Variants in MED12L observed in about 807,000 individuals in gnomAD.
MED12L encodes mediator complex subunit 12L.
MED12L carries 60 observed loss-of-function variants against 281.3 expected under a neutral mutation model. That is an observed-to-expected ratio of 0.21 (90% CI 0.17 to 0.26). MED12L has a LOEUF of 0.26. MED12L is among the 10% of genes least tolerant of loss of function. MED12L has a pLI of 1.00. For missense variants in MED12L, 2,146 were observed against 2,680.9 expected (o/e 0.80, Z 4.41); for synonymous variants, 974 against 987.2 (o/e 0.99, Z 0.25).
rs1163947668 is a variant in MED12L at position 151,191,919 on chromosome 3, A to AC, written c.1969-631_1969-630insC. ...AAAACTGTCTCAAAAAAACAAACAA[A>AC]AAAAAAAAAAACACCTCACAGTTTA... is the stretch of plus-strand genomic sequence containing the variant. On this transcript the variant is annotated intron_variant, in intron 14 of 44. Transcript: ENST00000687756. Among the ~76,000 whole-genome samples the AC allele has an allele frequency of 8.0e-3, 1,201 of 150,200 alleles. 17 individuals are homozygous for AC. Among genetic ancestry groups the AC allele is most frequent in the African/African-American group, 0.027 (1,102 of 41,004 alleles).
At chr3:151,123,395 C>CA (rs1178445872) in intron 4 of MED12L, among the ~76,000 whole-genome samples, 1 of 152,142 alleles carries the variant, frequency 6.6e-6, no homozygotes, top group African/African-American at 2.4e-5. Flanking sequence ...TCCTACCAAG[C>CA]AAGATAAAGA....
At chr3:151,290,177 C>T (rs142762143) in intron 16 of MED12L, among the ~76,000 whole-genome samples, 27 of 152,278 alleles carry the variant, frequency 1.8e-4, no homozygotes, top group Admixed American at 9.8e-4. Context: ...TGAGCCACCA[C>T]TTCCGACCGT....
At chr3:151,347,130 A>C (rs1306465069) in intron 16 of MED12L, among the ~76,000 whole-genome samples, 1 of 148,802 alleles carries the variant, frequency 6.7e-6, no homozygotes, top group Non-Finnish European at 1.5e-5. Flanking sequence ...TCCCACCACT[A>C]AAACTTAGTT....
chr3:151,326,542 G>A (rs1463988013), intron 16 of MED12L: 1 of 152,358 alleles, frequency 6.6e-6, no homozygotes, highest in African/African-American at 2.4e-5. Context: ...ACAACATAGG[G>A]TTTCACAGAT....
intron 5 of MED12L, among the ~76,000 whole-genome samples, chr3:151,153,086 C>G (rs1024792525): frequency 6.6e-6 from 1 of 152,210 alleles, no homozygotes; most frequent in Non-Finnish European, 1.5e-5. Flanking sequence ...AATTTTTGTA[C>G]TACTAAAACA....
intron 16 of MED12L, among the ~76,000 whole-genome samples, chr3:151,314,723 C>T (rs1383001415): frequency 6.6e-6 from 1 of 152,118 alleles, no homozygotes; most frequent in Non-Finnish European, 1.5e-5. Context: ...GTGCTTGGTC[C>T]AAGCCTTGGG....
At chr3:151,096,314 T>C (rs548821141) in intron 2 of MED12L, among the ~76,000 whole-genome samples, 1 of 152,224 alleles carries the variant, frequency 6.6e-6, no homozygotes, top group African/African-American at 2.4e-5. Context: ...CCATATAATG[T>C]TGTTAAGGTA....
At chr3:151,212,833 A>T (rs1727400065) in intron 16 of MED12L, 1 of 152,048 alleles carries the variant, frequency 6.6e-6, no homozygotes. Flanking sequence ...TATTGCAAAC[A>T]GCTCTCTAGC....
At chr3:151,400,345 G>A (rs1429178005) in intron 39 of MED12L, among the ~76,000 whole-genome samples, 1 of 152,152 alleles carries the variant, frequency 6.6e-6, no homozygotes, top group African/African-American at 2.4e-5. Context: ...CAGAAGATAT[G>A]TTTAGCTTGA....
intron 15 of MED12L, 43 bp downstream of exon 15, chr3:151,192,697 C>A (rs1724143771): frequency 1.7e-6 from 2 of 1,183,882 alleles, no homozygotes; most frequent in African/African-American, 3.0e-5. Context: ...AAGAATTAAC[C>A]CGTTCCCATC....
At chr3:151,384,660 A>T (rs912187144) in intron 35 of MED12L, 7 of 200,898 alleles carry the variant, frequency 3.5e-5, no homozygotes, top group South Asian at 1.2e-4. Flanking sequence ...AATAAATCTG[A>T]TGCATTACCA....
chr3:151,104,329 T>A (rs1721747843), intron 2 of MED12L, among the ~76,000 whole-genome samples: 1 of 152,230 alleles, frequency 6.6e-6, no homozygotes, highest in African/African-American at 2.4e-5. Context: ...GAGGCTGGTA[T>A]TAATGCTTTC....
chr3:151,394,580 T>A, intron 38 of MED12L, 76 bp from the exon 39 acceptor site: 1 of 1,581,704 alleles, frequency 6.3e-7, no homozygotes, highest in East Asian at 2.2e-5. Context: ...AAGGTGAAAT[T>A]TCTGTGTTTT....
intron 2 of MED12L, among the ~76,000 whole-genome samples, chr3:151,105,980 G>A (rs944585460): frequency 3.3e-5 from 5 of 152,066 alleles, no homozygotes; most frequent in Admixed American, 2.0e-4. Context: ...AGAAATCAAC[G>A]TAAATCCTGT....
intron 43 of MED12L, among the ~76,000 whole-genome samples, chr3:151,421,097 C>T (rs575604627): frequency 6.6e-6 from 1 of 152,260 alleles, no homozygotes; most frequent in East Asian, 1.9e-4. Context: ...AGTGGAAGTC[C>T]ACGTTGCTGA....
At chr3:151,092,545 G>T (rs1208634241) in intron 2 of MED12L, among the ~76,000 whole-genome samples, 1 of 152,208 alleles carries the variant, frequency 6.6e-6, no homozygotes, top group African/African-American at 2.4e-5. Flanking sequence ...TCAATGCTTG[G>T]TTTATTTTGG....
intron 2 of MED12L, among the ~76,000 whole-genome samples, chr3:151,092,258 C>T (rs1720148924): frequency 6.6e-6 from 1 of 152,236 alleles, no homozygotes; most frequent in Non-Finnish European, 1.5e-5. Context: ...TGCAGCCTGT[C>T]TTCCCTCATC....
intron 2 of MED12L, among the ~76,000 whole-genome samples, chr3:151,097,784 A>G (rs544019725): frequency 1.3e-5 from 2 of 152,306 alleles, no homozygotes; most frequent in South Asian, 4.1e-4. Flanking sequence ...ACAACCCCCT[A>G]CACCAAAGAC....
At chr3:151,335,776 GA>G (rs1364716087) in intron 16 of MED12L, among the ~76,000 whole-genome samples, 1 of 152,166 alleles carries the variant, frequency 6.6e-6, no homozygotes, top group African/African-American at 2.4e-5. Context: ...TAAGGTCTCT[GA>G]ATAAAGATAT....
Sources: allele counts gnomAD v4.1 joint callset (sites outside exome capture counted in the v4.1 genomes callset), GRCh38; gene constraint gnomAD v4.1.1; transcripts MANE v1.5; gene names NCBI Gene and HGNC (gene_info 2026-07-23, HGNC 2026-07-21).